The following ZNF385D variants were observed in gnomAD, a reference collection of about 807,000 sequenced individuals.
ZNF385D encodes the protein zinc finger protein 385D.
A neutral mutation model predicts 35.8 loss-of-function variants in ZNF385D; 15 were observed. The observed-to-expected ratio is 0.42, with a 90% CI of 0.28 to 0.64. ZNF385D has a LOEUF of 0.64. ZNF385D is among the 30% of genes least tolerant of loss of function. The pLI is 0.23. For synonymous variants in ZNF385D, 212 were observed against 186.8 expected (o/e 1.13, Z -1.10); for missense variants, 474 against 494.6 (o/e 0.96, Z 0.39).
intron 3 of ZNF385D, among the ~76,000 whole-genome samples, chr3:21,929,697 C>T (rs1264057291): frequency 1.3e-5 from 2 of 151,712 alleles, no homozygotes; most frequent in Non-Finnish European, 2.9e-5. Context: ...AAAACAATTC[C>T]AGTCACAGCA....
intron 3 of ZNF385D, among the ~76,000 whole-genome samples, chr3:21,907,101 G>A (rs757340830): frequency 1.3e-5 from 2 of 152,066 alleles, no homozygotes. Flanking sequence ...CCTGCTCATC[G>A]AGAATGTTTA....
intron 3 of ZNF385D, among the ~76,000 whole-genome samples, chr3:22,067,022 C>T (rs1217044378): frequency 3.3e-5 from 5 of 152,162 alleles, no homozygotes; most frequent in African/African-American, 1.2e-4. Flanking sequence ...CCTAATGTGA[C>T]TATAAAGAAG....
intron 3 of ZNF385D, among the ~76,000 whole-genome samples, chr3:21,534,274 T>C (rs936153683): frequency 6.6e-6 from 1 of 152,102 alleles, no homozygotes; most frequent in Non-Finnish European, 1.5e-5. Context: ...TGAACTTGCA[T>C]TGTAGACTAG....
In ZNF385D at chr3:22,265,211, G is replaced by C. The variant is rs1283407864; in HGVS notation, c.107-96176C>G. ...GAAAGATATACAAAAACTGCAACCT[G>C]ATAGAGAATTACAGGGCGACCTACT... On this transcript the variant is annotated intron_variant, in intron 2 of 5. Coordinates refer to the ZNF385D transcript ENST00000494108. Among the ~76,000 whole-genome samples the C allele has an allele frequency of 3.9e-5, 6 of 152,020 alleles. No homozygotes were observed. In the East Asian group the frequency reaches 1.2e-3, roughly 30 times the overall value.
chr3:21,508,439 T>A (rs1178077817), intron 4 of ZNF385D, among the ~76,000 whole-genome samples: 1 of 152,152 alleles, frequency 6.6e-6, no homozygotes, highest in Non-Finnish European at 1.5e-5. Context: ...TCTGCTTCTT[T>A]GGGGTTAATT....
At chr3:21,984,207 T>G (rs1203295894) in intron 3 of ZNF385D, among the ~76,000 whole-genome samples, 31 of 147,004 alleles carry the variant, frequency 2.1e-4, no homozygotes, top group Admixed American at 1.7e-3. Context: ...TTGTTGCCAT[T>G]GCTTTTGGTG....
intron 2 of ZNF385D, among the ~76,000 whole-genome samples, chr3:21,596,865 T>C (rs899334116): frequency 6.6e-6 from 1 of 152,054 alleles, no homozygotes; most frequent in Admixed American, 6.6e-5. Flanking sequence ...AGGTAAGAAA[T>C]ACTGTCAAAG....
At chr3:21,869,675 T>A (rs1449833492) in intron 3 of ZNF385D, among the ~76,000 whole-genome samples, 1 of 152,146 alleles carries the variant, frequency 6.6e-6, no homozygotes, top group Non-Finnish European at 1.5e-5. Flanking sequence ...CACAGTTAGC[T>A]TTTACTGCAA....
intron 3 of ZNF385D, among the ~76,000 whole-genome samples, chr3:21,791,949 G>T (rs1056019493): frequency 1.3e-5 from 2 of 152,040 alleles, no homozygotes; most frequent in Non-Finnish European, 2.9e-5. Context: ...TGGCTAGGAT[G>T]GTCTCGATCT....
At chr3:21,995,227 C>T (rs76046141) in intron 3 of ZNF385D, among the ~76,000 whole-genome samples, 1,591 of 152,268 alleles carry the variant, frequency 0.01, 32 homozygotes, top group African/African-American at 0.037. Context: ...GTGGTAGGGG[C>T]CAATGGTATA....
chr3:21,608,069 G>A (rs1283004642), intron 2 of ZNF385D, among the ~76,000 whole-genome samples: 15 of 130,732 alleles, frequency 1.1e-4, no homozygotes, highest in African/African-American at 4.1e-4. Flanking sequence ...GAGTGCAGTG[G>A]CATGATCTCA....
intron 2 of ZNF385D, among the ~76,000 whole-genome samples, chr3:22,182,443 C>G (rs1471520525): frequency 6.6e-6 from 1 of 152,182 alleles, no homozygotes; most frequent in African/African-American, 2.4e-5. Flanking sequence ...ACATCCATGA[C>G]AGACATAACT....
At position 21,969,868 on chromosome 3, in the gene ZNF385D, T is replaced by C. The variant is rs114471033; in HGVS notation, c.325+198949A>G. 2.3e-3 allele frequency among the ~76,000 whole-genome samples: 346 copies of C among 152,212 alleles called. 3 individuals carry two copies. The highest frequency in any genetic ancestry group is 7.9e-3 in the African/African-American group (327 of 41,532). The stretch of plus-strand genomic sequence containing the variant: ...AGACAGCTCAGAAAGGGATAGAAAC[T>C]CCATTTGTTTGGGTGATAGTAAGGG... On this transcript the variant is annotated intron_variant, in intron 3 of 5. Coordinates refer to the ZNF385D transcript ENST00000494108.
intron 2 of ZNF385D, among the ~76,000 whole-genome samples, chr3:21,636,492 A>C (rs939371871): frequency 2.0e-5 from 3 of 149,482 alleles, no homozygotes; most frequent in South Asian, 2.1e-4. Context: ...AGCGAAGAAG[A>C]AGCCAGTCCG....
chr3:21,574,940 A>G (rs1210977901), intron 2 of ZNF385D, among the ~76,000 whole-genome samples: 1 of 151,748 alleles, frequency 6.6e-6, no homozygotes, highest in Non-Finnish European at 1.5e-5. Context: ...AGATCTAGGG[A>G]TAGGACTAGG....
At chr3:21,834,119 C>G (rs921079157) in intron 3 of ZNF385D, among the ~76,000 whole-genome samples, 5 of 152,102 alleles carry the variant, frequency 3.3e-5, no homozygotes, top group Non-Finnish European at 5.9e-5. Flanking sequence ...TCTACAAGAT[C>G]AAATTTTCAT....
chr3:22,120,097 T>G (rs529971405), intron 3 of ZNF385D, among the ~76,000 whole-genome samples: 5 of 151,770 alleles, frequency 3.3e-5, no homozygotes, highest in Admixed American at 6.6e-5. Flanking sequence ...CCCAAAGTAC[T>G]AGGATTACAG....
chr3:22,207,627 T>G (rs1166164522), intron 2 of ZNF385D, among the ~76,000 whole-genome samples: 1 of 151,608 alleles, frequency 6.6e-6, no homozygotes, highest in African/African-American at 2.4e-5. Context: ...GCACAGCAAA[T>G]GAAACAATCA....
intron 2 of ZNF385D, among the ~76,000 whole-genome samples, chr3:22,201,316 G>A (rs970182649): frequency 6.6e-6 from 1 of 151,984 alleles, no homozygotes; most frequent in Non-Finnish European, 1.5e-5. Flanking sequence ...TCAACTGAGA[G>A]AAAATTAAAT....
Sources: allele counts gnomAD v4.1 joint callset (sites outside exome capture counted in the v4.1 genomes callset), GRCh38; gene constraint gnomAD v4.1.1; transcripts MANE v1.5; gene names NCBI Gene and HGNC (gene_info 2026-07-23, HGNC 2026-07-21).